Variants in KIAA0753 observed in about 807,000 individuals in gnomAD.
KIAA0753 encodes KIAA0753.
A neutral mutation model predicts 116.9 loss-of-function variants in KIAA0753; 114 were observed. The observed-to-expected ratio is 0.98, with a 90% CI of 0.84 to 1.14. KIAA0753 has a LOEUF of 1.14. Among genes scored for constraint, KIAA0753 ranks in the 50% most tolerant of loss-of-function variants. KIAA0753 has a pLI of 0.00. For missense variants in KIAA0753, 1,156 were observed against 1,172.4 expected, an observed-to-expected ratio of 0.99 and a Z score of 0.20; for synonymous variants, 405 against 413.1, an observed-to-expected ratio of 0.98 and a Z score of 0.24.
intron 7 of KIAA0753, among the ~76,000 whole-genome samples, chr17:6,620,409 G>C (rs1028331328): frequency 1.5e-5 from 2 of 130,110 alleles, no homozygotes; most frequent in African/African-American, 5.9e-5. Flanking sequence ...TTTATCTGAG[G>C]AAAAAAAAAT....
chr17:6,625,468 G>A (rs968453842), intron 3 of KIAA0753, among the ~76,000 whole-genome samples: 7 of 151,874 alleles, frequency 4.6e-5, no homozygotes, highest in Non-Finnish European at 8.8e-5. Flanking sequence ...GAATTTCAAG[G>A]CCAGCCCGGC....
intron 4 of KIAA0753, 31 bp from the exon 5 acceptor site, chr17:6,623,602 C>T: frequency 6.3e-7 from 1 of 1,589,878 alleles, no homozygotes; most frequent in South Asian, 1.1e-5. Context: ...AAGAAAACTT[C>T]ATACCTTTCC....
At chr17:6,588,310 G>T (rs1448655870) in intron 18 of KIAA0753, among the ~76,000 whole-genome samples, 1 of 152,052 alleles carries the variant, frequency 6.6e-6, no homozygotes, top group African/African-American at 2.4e-5. Flanking sequence ...CAGGATATGC[G>T]CCATCAAAAT....
intron 12 of KIAA0753, chr17:6,601,143 A>G (rs1969843859): frequency 6.6e-6 from 1 of 152,370 alleles, no homozygotes; most frequent in African/African-American, 2.4e-5. Context: ...AGTACCAGGT[A>G]CATCTAGGCC....
intron 2 of KIAA0753, among the ~76,000 whole-genome samples, chr17:6,630,661 T>C (rs1317763725): frequency 6.6e-6 from 1 of 152,166 alleles, no homozygotes; most frequent in Non-Finnish European, 1.5e-5. Context: ...TGTAAATTAT[T>C]AGAATCAATC....
chr17:6,583,818 G>A (rs553614865), intron 18 of KIAA0753, among the ~76,000 whole-genome samples: 111 of 152,252 alleles, frequency 7.3e-4, no homozygotes, highest in African/African-American at 2.4e-3. Flanking sequence ...TGTATCTGCC[G>A]TAGGTCTGTT....
chr17:6,631,291 T>C (rs1972009421), intron 2 of KIAA0753, among the ~76,000 whole-genome samples: 1 of 152,228 alleles, frequency 6.6e-6, no homozygotes, highest in Non-Finnish European at 1.5e-5. Context: ...CTATATGCCG[T>C]CAGGCTAAAG....
chr17:6,615,258 A>G (rs1970811854), intron 7 of KIAA0753, among the ~76,000 whole-genome samples: 1 of 152,056 alleles, frequency 6.6e-6, no homozygotes, highest in Non-Finnish European at 1.5e-5. Flanking sequence ...ATGTGTATCC[A>G]TGCTGTAGAC....
chr17:6,580,901 C>CACAT (rs1266665338), intron 18 of KIAA0753, among the ~76,000 whole-genome samples: 4 of 138,366 alleles, frequency 2.9e-5, no homozygotes, highest in African/African-American at 8.1e-5. Flanking sequence ...CTCCTCTGTA[C>CACAT]ACACACACAC....
At chr17:6,626,373 C>G (rs1019090021) in intron 3 of KIAA0753, among the ~76,000 whole-genome samples, 8 of 152,188 alleles carry the variant, frequency 5.3e-5, no homozygotes, top group African/African-American at 1.9e-4. Context: ...GAGTATAAGG[C>G]TGTTTTGAAG....
At position 6,623,071 on chromosome 17, in the gene KIAA0753, A is replaced by G. The variant is rs757679533; in HGVS notation, c.915T>C (p.Ala305=). The part of the protein sequence containing the change: ...KKSWAMSKLA[A]AHRGAIRALQ... ...AGGCCCGAATGGCTCCTCGATGGGC[A>G]GCCGCCAGCTTAGACATTGCCCATG... Residue 305 remains alanine (A), a synonymous_variant, in exon 6 of 19, where the codon GCT becomes GCC. Transcript: ENST00000361413. 6 of 1,613,778 alleles carry G rather than the reference A, an allele frequency of 3.7e-6. No individual in the cohort carries two copies. Among genetic ancestry groups the G allele is most frequent in the Non-Finnish European group, 5.1e-6 (6 of 1,179,996 alleles).
At chr17:6,609,880 TG>T (rs1970418756) in intron 9 of KIAA0753, 113 bp downstream of exon 9, 1 of 1,156,758 alleles carries the variant, frequency 8.6e-7, no homozygotes, top group African/African-American at 1.5e-5. Flanking sequence ...TTCTGCTTAA[TG>T]GAAAAAATTA....
intron 18 of KIAA0753, among the ~76,000 whole-genome samples, chr17:6,583,733 T>A (rs1396305481): frequency 6.6e-6 from 1 of 152,256 alleles, no homozygotes; most frequent in Non-Finnish European, 1.5e-5. Flanking sequence ...GCCAAAGTTC[T>A]AATTCATGTC....
At chr17:6,619,677 T>G (rs1336374972) in intron 7 of KIAA0753, among the ~76,000 whole-genome samples, 2 of 152,196 alleles carry the variant, frequency 1.3e-5, no homozygotes, top group African/African-American at 2.4e-5. Context: ...TACACCTGCC[T>G]TGGCCTTCCA....
At chr17:6,611,387 A>G (rs4796524) in intron 8 of KIAA0753, among the ~76,000 whole-genome samples, 46,436 of 151,886 alleles carry the variant, frequency 0.31, 7,986 homozygotes, top group Admixed American at 0.39. Context: ...TGCAGCTTCA[A>G]ACTCCTGGGA....
At position 6,580,877 on chromosome 17, in the gene KIAA0753, A is replaced by G. The variant is rs1968114469; in HGVS notation, c.2787-1013T>C. Reference sequence around the variant, plus strand: ...AGGAGACGGGGGAGGACACTAGGGGACTCTGCACGGGTGCTCCTCTGTACA... The same window carrying G: ...AGGAGACGGGGGAGGACACTAGGGGGCTCTGCACGGGTGCTCCTCTGTACA... On this transcript the variant is annotated intron_variant, in intron 18 of 18. Coordinates refer to ENST00000361413, the MANE Select transcript of KIAA0753 (RefSeq NM_014804.3). Among the ~76,000 whole-genome samples, 4 of 144,042 alleles carry G rather than the reference A, an allele frequency of 2.8e-5. No homozygotes were observed. In the Admixed American group the frequency reaches 2.9e-4, roughly 10 times the overall value. The allele number at this position is 144,042 out of a possible 152,430, so 94.5% of individuals were successfully genotyped here.
At chr17:6,619,601 A>AT (rs982763096) in intron 7 of KIAA0753, among the ~76,000 whole-genome samples, 1 of 151,840 alleles carries the variant, frequency 6.6e-6, no homozygotes, top group African/African-American at 2.4e-5. Flanking sequence ...TACTTTTTGC[A>AT]TTTTTTGTAG....
At chr17:6,618,320 A>G (rs998095849) in intron 7 of KIAA0753, among the ~76,000 whole-genome samples, 1 of 152,154 alleles carries the variant, frequency 6.6e-6, no homozygotes, top group African/African-American at 2.4e-5. Context: ...GGTAAACATA[A>G]GTAAAGTGTT....
chr17:6,626,601 G>A (rs995920360), intron 3 of KIAA0753, among the ~76,000 whole-genome samples: 37 of 152,216 alleles, frequency 2.4e-4, no homozygotes, highest in African/African-American at 8.7e-4. Flanking sequence ...GAGCAGCACT[G>A]GGAAGCACAA....
Sources: allele counts gnomAD v4.1 joint callset (sites outside exome capture counted in the v4.1 genomes callset), GRCh38; gene constraint gnomAD v4.1.1; transcripts MANE v1.5; gene names NCBI Gene and HGNC (gene_info 2026-07-23, HGNC 2026-07-21).